GLIS3: variants seen among roughly 807,000 people sequenced by gnomAD.
GLIS3 encodes the protein zinc finger protein GLIS3.
GLIS3 carries 53 observed loss-of-function variants against 78.6 expected under a neutral mutation model. That is an observed-to-expected ratio of 0.67 (90% CI 0.54 to 0.85). The LOEUF is 0.85. Ranked by LOEUF, GLIS3 falls within the 40% of genes least tolerant of loss-of-function variation. The pLI is 0.00. For missense variants in GLIS3, 1,703 were observed against 1,231.1 expected, an observed-to-expected ratio of 1.38 and a Z score of -5.74; for synonymous variants, 684 against 509.9, an observed-to-expected ratio of 1.34 and a Z score of -4.60.
the GLIS3 span, among the ~76,000 whole-genome samples, chr9:4,372,636 A>T: frequency 1.3e-5 from 2 of 152,126 alleles, no homozygotes; most frequent in South Asian, 4.2e-4. Context: ...AGACTTTCTA[A>T]ATTTAACTAA....
chr9:4,127,228 A>T (rs1167203975), intron 2 of GLIS3, among the ~76,000 whole-genome samples: 1 of 152,222 alleles, frequency 6.6e-6, no homozygotes, highest in African/African-American at 2.4e-5. Flanking sequence ...GACCTGCACA[A>T]AATCACACAG....
At chr9:4,388,164 CAAAT>C in the GLIS3 span, among the ~76,000 whole-genome samples, 1 of 152,186 alleles carries the variant, frequency 6.6e-6, no homozygotes. Flanking sequence ...AACCCCTTCA[CAAAT>C]AAAAGTATAC....
At chr9:4,487,323 T>G in the GLIS3 span, among the ~76,000 whole-genome samples, 66,068 of 151,862 alleles carry the variant, frequency 0.44, 14,513 homozygotes, top group Middle Eastern at 0.49. Flanking sequence ...AAATTGGTGG[T>G]GATATTTGTT....
chr9:4,193,836 A>G (rs147910239), intron 2 of GLIS3, among the ~76,000 whole-genome samples: 151 of 152,330 alleles, frequency 9.9e-4, no homozygotes, highest in Non-Finnish European at 1.9e-3. Flanking sequence ...TGCACATTAT[A>G]CACTAAAATC....
chr9:4,196,342 G>A (rs1309322051), intron 2 of GLIS3, among the ~76,000 whole-genome samples: 1 of 152,202 alleles, frequency 6.6e-6, no homozygotes, highest in Non-Finnish European at 1.5e-5. Context: ...ATGTGGGTGG[G>A]GTCAGATAAG....
At chr9:4,172,358 C>T (rs1202518154) in intron 2 of GLIS3, among the ~76,000 whole-genome samples, 1 of 152,036 alleles carries the variant, frequency 6.6e-6, no homozygotes, top group South Asian at 2.1e-4. Flanking sequence ...TCCACTCCAC[C>T]GAAGTCACTA....
intron 8 of GLIS3, among the ~76,000 whole-genome samples, chr9:3,877,040 A>T (rs972750467): frequency 6.6e-6 from 1 of 152,078 alleles, no homozygotes; most frequent in Non-Finnish European, 1.5e-5. Flanking sequence ...AGGAGACTCA[A>T]TGATCGTTTT....
At chr9:3,860,404 C>A (rs1820125836) in intron 8 of GLIS3, among the ~76,000 whole-genome samples, 3 of 151,660 alleles carry the variant, frequency 2.0e-5, no homozygotes, top group Non-Finnish European at 4.4e-5. Context: ...CTTGGCCACT[C>A]TCCTTCCCTT....
the GLIS3 span, among the ~76,000 whole-genome samples, chr9:4,389,582 A>C: frequency 3.9e-5 from 6 of 152,210 alleles, no homozygotes; most frequent in Non-Finnish European, 8.8e-5. Context: ...CAATAGAAGA[A>C]TCTAAATCAA....
chr9:4,349,377 T>A (rs551105091), upstream of GLIS3, among the ~76,000 whole-genome samples: 1 of 152,380 alleles, frequency 6.6e-6, no homozygotes, highest in East Asian at 1.9e-4. Context: ...TAAATGTTCC[T>A]ATATTTACTT....
At chr9:4,186,483 G>C (rs1334867202) in intron 2 of GLIS3, among the ~76,000 whole-genome samples, 2 of 151,878 alleles carry the variant, frequency 1.3e-5, no homozygotes, top group African/African-American at 2.4e-5. Flanking sequence ...CTTTATAGCA[G>C]CATGATTTAT....
chr9:4,408,423 G>A, the GLIS3 span, among the ~76,000 whole-genome samples: 3 of 116,342 alleles, frequency 2.6e-5, no homozygotes, highest in Non-Finnish European at 3.8e-5. Context: ...GATGGTTAAT[G>A]GATATTAAAA....
At chr9:3,915,379 C>T (rs985844007) in intron 6 of GLIS3, among the ~76,000 whole-genome samples, 1 of 151,998 alleles carries the variant, frequency 6.6e-6, no homozygotes, top group East Asian at 1.9e-4. Flanking sequence ...TGGCTGCTCA[C>T]GGTATACAGA....
At position 3,828,392 on chromosome 9, in the gene GLIS3, T is replaced by G; in HGVS notation, c.2673A>C (p.Ser891=). 6.2e-7 allele frequency: 1 copy of G among 1,613,384 alleles called. No individual in the cohort carries two copies. Among genetic ancestry groups the G allele is most frequent in the Non-Finnish European group, 8.5e-7 (1 of 1,180,014 alleles). Reference sequence around the variant, plus strand: ...ACTCCCCAAAGAGGCTCGAGGAACTTGAAGGTAAATCATACACTGGAAGAG... The same window carrying G: ...ACTCCCCAAAGAGGCTCGAGGAACTGGAAGGTAAATCATACACTGGAAGAG... ...HSGITVYDLP[S]SSSSLFGESL... The change falls in exon 11 of 11, where the codon TCA becomes TCC. Residue 891 remains serine (S), a synonymous_variant. Transcript: ENST00000381971.
intron 2 of GLIS3, among the ~76,000 whole-genome samples, chr9:4,313,020 C>G (rs951986418): frequency 1.4e-4 from 22 of 152,236 alleles, no homozygotes; most frequent in African/African-American, 5.3e-4. Context: ...TTTTTCCAGT[C>G]TTGTGGCTTC....
At chr9:3,854,543 C>CTTTT (rs34558832) in intron 9 of GLIS3, among the ~76,000 whole-genome samples, 4 of 145,720 alleles carry the variant, frequency 2.7e-5, no homozygotes, top group African/African-American at 1.0e-4. Flanking sequence ...CGTTGATGTT[C>CTTTT]TTTTTTTTTT....
chr9:4,269,951 T>TA (rs1826355605), intron 2 of GLIS3, among the ~76,000 whole-genome samples: 1 of 152,162 alleles, frequency 6.6e-6, no homozygotes, highest in East Asian at 1.9e-4. Context: ...TGTTTAGTCC[T>TA]TTTCTCTAGG....
chr9:4,485,694 T>A, the GLIS3 span, among the ~76,000 whole-genome samples: 1 of 151,312 alleles, frequency 6.6e-6, no homozygotes, highest in African/African-American at 2.4e-5. Flanking sequence ...CTACCAGTGA[T>A]CTACTTTTGA....
At chr9:4,051,624 A>G (rs1003476952) in intron 4 of GLIS3, among the ~76,000 whole-genome samples, 2 of 152,188 alleles carry the variant, frequency 1.3e-5, no homozygotes, top group Non-Finnish European at 1.5e-5. Flanking sequence ...AACTAAATGC[A>G]TATTATTTGA....
Sources: gnomAD v4.1 joint callset for allele counts (sites outside exome capture counted in the v4.1 genomes callset) on GRCh38, gnomAD v4.1.1 for gene constraint, MANE v1.5 for transcripts, NCBI Gene and HGNC (gene_info 2026-07-23, HGNC 2026-07-21) for gene names.